The following RAB27A variants were observed in gnomAD, a reference collection of about 807,000 sequenced individuals.
The protein encoded by RAB27A is RAB27A, member RAS oncogene family, also known as ras-related protein Rab-27A.
Under a neutral mutation model 20.8 loss-of-function variants are expected in RAB27A, and 17 were observed. That is an observed-to-expected ratio of 0.82 (90% CI 0.56 to 1.23). The LOEUF is 1.23. Ranked by LOEUF, RAB27A falls within the 50% of genes most tolerant of loss-of-function variation. The pLI, the probability that RAB27A is intolerant of heterozygous loss-of-function variation, is 0.00. For missense variants in RAB27A, 277 were observed against 266.7 expected (o/e 1.04, Z -0.27); for synonymous variants, 85 against 92.8 (o/e 0.92, Z 0.48).
Position 55,205,547 on chromosome 15 carries a change from T to A in RAB27A, c.626A>T (p.Gln209Leu). ...VRSNGHASTD[Q>L]LSEEKEKGAC... ...CCCTTTCTCCTTTTCTTCACTTAAC[T>A]GATCCGTAGAGGCATGACCATTTGA... Residue 209 changes from glutamine (Q) to leucine (L), a missense_variant, in exon 7 of 7, where the codon CAG becomes CTG. By Grantham distance (113) the Gln-to-Leu change is moderately radical (BLOSUM62 -2). Transcript: ENST00000336787. 6.2e-7 allele frequency: 1 copy of A among 1,614,226 alleles called. No individual in the cohort carries two copies. Among genetic ancestry groups the A allele is most frequent in the Non-Finnish European group, 8.5e-7 (1 of 1,180,044 alleles).
At position 55,270,173 on chromosome 15, in the gene RAB27A, G is replaced by A. The variant is rs1283081118; in HGVS notation, c.-31C>T. On this transcript the variant is annotated 5_prime_UTR_variant, in exon 2 of 7. Transcript: ENST00000336787. ...TAAATACAAAACCATACCTTTACAGGGTAGAGAACCGCTTGTTATGATTTT... is the reference window on the plus strand; with the variant it reads ...TAAATACAAAACCATACCTTTACAGAGTAGAGAACCGCTTGTTATGATTTT... The A allele has an allele frequency of 6.6e-6, 1 of 151,864 alleles. No homozygotes were observed. The highest frequency in any genetic ancestry group is 1.5e-5 in the Non-Finnish European group (1 of 67,994). The allele number at this position is 151,864 out of a possible 1,614,324, so 9.4% of individuals were successfully genotyped here. A position where few individuals can be genotyped will look rare whatever the true frequency, so the allele number is the denominator to read the frequency against.
intron 3 of RAB27A, among the ~76,000 whole-genome samples, chr15:55,231,345 C>T (rs147189115): frequency 0.011 from 1,634 of 152,186 alleles, 16 homozygotes; most frequent in Non-Finnish European, 0.017. Flanking sequence ...TAAAAGTGCT[C>T]TTAAAAGAAT....
At chr15:55,251,868 T>C (rs556744094) in intron 2 of RAB27A, among the ~76,000 whole-genome samples, 1 of 152,256 alleles carries the variant, frequency 6.6e-6, no homozygotes, top group South Asian at 2.1e-4. Flanking sequence ...GTGTTTTACA[T>C]GAAAGTACCC....
chr15:55,206,546 T>C (rs765533160), intron 6 of RAB27A, among the ~76,000 whole-genome samples: 2 of 152,138 alleles, frequency 1.3e-5, no homozygotes, highest in Non-Finnish European at 2.9e-5. Context: ...TTTTACCATG[T>C]TGCCCAGGCT....
At chr15:55,217,524 G>C (rs530753398) in intron 6 of RAB27A, among the ~76,000 whole-genome samples, 2 of 151,422 alleles carry the variant, frequency 1.3e-5, no homozygotes, top group Non-Finnish European at 2.9e-5. Context: ...AATTAGCTGG[G>C]CACAGTGGTG....
chr15:55,273,110 A>T (rs1276719382), intron 1 of RAB27A, among the ~76,000 whole-genome samples: 1 of 152,216 alleles, frequency 6.6e-6, no homozygotes, highest in Non-Finnish European at 1.5e-5. Flanking sequence ...ACATTCTCCA[A>T]CTGAAAGACA....
At chr15:55,313,663 C>T (rs2055030431) in intron 2 of RAB27A, among the ~76,000 whole-genome samples, 1 of 152,276 alleles carries the variant, frequency 6.6e-6, no homozygotes, top group African/African-American at 2.4e-5. Flanking sequence ...CACTTCAGGT[C>T]AGGAGTTGAA....
chr15:55,270,553 T>A (rs903948609), intron 1 of RAB27A, among the ~76,000 whole-genome samples: 4 of 152,206 alleles, frequency 2.6e-5, no homozygotes, highest in Non-Finnish European at 2.9e-5. Context: ...GTTAGAAGAC[T>A]CTGCACTTCA....
At chr15:55,214,649 C>T (rs1895196470) in intron 6 of RAB27A, among the ~76,000 whole-genome samples, 1 of 152,170 alleles carries the variant, frequency 6.6e-6, no homozygotes, top group Non-Finnish European at 1.5e-5. Flanking sequence ...TTTAAACCTC[C>T]TGCTTGCCTC....
intron 6 of RAB27A, among the ~76,000 whole-genome samples, chr15:55,209,670 ATCTC>A (rs972165831): frequency 6.6e-6 from 1 of 150,904 alleles, no homozygotes; most frequent in African/African-American, 2.4e-5. Context: ...ATATATATAT[ATCTC>A]TCTCCTAAGA....
At chr15:55,319,071 C>A in exon 1 of RAB27A, 2 of 710,818 alleles carry the variant, frequency 2.8e-6, no homozygotes, top group Non-Finnish European at 4.4e-6. Flanking sequence ...TCCCTCGGTT[C>A]GGAAACGGCG....
intron 2 of RAB27A, among the ~76,000 whole-genome samples, chr15:55,243,303 T>C (rs546735272): frequency 1.3e-5 from 2 of 152,312 alleles, no homozygotes; most frequent in East Asian, 3.9e-4. Context: ...AAATTTTTCA[T>C]TTACCTGTAG....
chr15:55,292,728 A>G (rs2054929670), upstream of RAB27A, among the ~76,000 whole-genome samples: 1 of 152,190 alleles, frequency 6.6e-6, no homozygotes, highest in Non-Finnish European at 1.5e-5. Flanking sequence ...CAGAATATCC[A>G]AGTGAAGCTG....
rs757798952 is a variant in RAB27A at position 55,228,671 on chromosome 15, C to T, written c.281G>A (p.Gly94Asp). 1.9e-6 allele frequency: 3 copies of T among 1,613,794 alleles called. No homozygotes were observed. The highest frequency in any genetic ancestry group is 2.5e-6 in the Non-Finnish European group (3 of 1,179,766). The change falls in exon 5 of 7, where the codon GGT (glycine) becomes GAT (aspartate). Residue 94 changes from glycine (G) to aspartate (D), a missense_variant. Transcript: ENST00000336787. ...TGTCAGATCAAAAAGTAGAAGAAAA[C>T]CCATAGCATCTCTGAAGAACGCTGT... Reference protein sequence around the residue: ...LTTAFFRDAMGFLLLFDLTNE... With the variant: ...LTTAFFRDAMDFLLLFDLTNE...
intron 6 of RAB27A, among the ~76,000 whole-genome samples, chr15:55,219,292 C>A (rs538128459): frequency 6.6e-6 from 1 of 152,290 alleles, no homozygotes; most frequent in Admixed American, 6.5e-5. Context: ...ATCTTCCTCT[C>A]TTTAGCATGG....
chr15:55,299,286 T>C (rs960210773), intron 2 of RAB27A, among the ~76,000 whole-genome samples: 13 of 152,176 alleles, frequency 8.5e-5, no homozygotes, highest in African/African-American at 3.1e-4. Flanking sequence ...GTCCCTCCAT[T>C]TGGGGCCCCT....
intron 6 of RAB27A, among the ~76,000 whole-genome samples, chr15:55,221,193 C>A (rs1337644107): frequency 2.0e-5 from 3 of 152,170 alleles, no homozygotes; most frequent in Non-Finnish European, 4.4e-5. Context: ...CCCACAGGGG[C>A]AAGAAGTCAA....
intron 1 of RAB27A, chr15:55,317,737 G>A: frequency 2.5e-6 from 1 of 398,532 alleles, no homozygotes. Context: ...TACTCCTCCA[G>A]CAATTCCAAG....
At chr15:55,299,833 T>G (rs1413388127) in intron 2 of RAB27A, among the ~76,000 whole-genome samples, 1 of 151,654 alleles carries the variant, frequency 6.6e-6, no homozygotes, top group Non-Finnish European at 1.5e-5. Context: ...TTTCTTTTTT[T>G]TTTTTGAGAT....
Sources: gnomAD v4.1 joint callset for allele counts (sites outside exome capture counted in the v4.1 genomes callset) on GRCh38, gnomAD v4.1.1 for gene constraint, MANE v1.5 for transcripts, NCBI Gene and HGNC (gene_info 2026-07-23, HGNC 2026-07-21) for gene names.